Variants in SLC5A4 observed in about 807,000 individuals in gnomAD.
SLC5A4 encodes probable glucose sensor protein SLC5A4.
Under a neutral mutation model 70.3 loss-of-function variants are expected in SLC5A4, and 55 were observed. The observed-to-expected ratio is 0.78, with a 90% CI of 0.63 to 0.98. The LOEUF is 0.98. Among genes scored for constraint, SLC5A4 ranks in the 50% least tolerant of loss-of-function variants. SLC5A4 has a pLI of 0.00. For synonymous variants in SLC5A4, 268 were observed against 305.7 expected, an observed-to-expected ratio of 0.88 and a Z score of 1.29; for missense variants, 735 against 839.2, an observed-to-expected ratio of 0.88 and a Z score of 1.53.
chr22:32,319,845 G>A, the SLC5A4 span, among the ~76,000 whole-genome samples: 1 of 152,126 alleles, frequency 6.6e-6, no homozygotes, highest in Non-Finnish European at 1.5e-5. Context: ...CATAAAAGCA[G>A]GCTTTTTGCT....
the SLC5A4 span, chr22:32,272,816 A>G: frequency 1.9e-6 from 1 of 514,654 alleles, no homozygotes. Flanking sequence ...TTCGCCACCC[A>G]GGATGGTGGC....
the SLC5A4 span, among the ~76,000 whole-genome samples, chr22:32,346,987 T>C: frequency 3.9e-5 from 6 of 152,072 alleles, no homozygotes; most frequent in Non-Finnish European, 8.8e-5. Context: ...GAATCTATAA[T>C]GAACTCAACC....
In SLC5A4 at chr22:32,235,094, C is replaced by T. The variant is rs200849284; in HGVS notation, c.665-1G>A. 16 of 1,603,432 alleles carry T rather than the reference C, an allele frequency of 1.0e-5. No homozygotes were observed. In the East Asian group the frequency reaches 2.9e-4, roughly 29 times the overall value. The stretch of plus-strand genomic sequence containing the variant: ...TCATAACCTCCAACTTCGTTAAATG[C>T]TAAAAAGGCATCAGAGTAAAATGAG... On this transcript the variant is annotated splice_acceptor_variant, in intron 7 of 14. Coordinates refer to ENST00000266086, the MANE Select transcript of SLC5A4 (RefSeq NM_014227.3). LOFTEE classifies it high-confidence loss of function.
chr22:32,250,828 C>T (rs1339864394), intron 3 of SLC5A4, among the ~76,000 whole-genome samples: 3 of 151,964 alleles, frequency 2.0e-5, no homozygotes, highest in Non-Finnish European at 4.4e-5. Flanking sequence ...AGCTGGAAAG[C>T]CCTCATTCTC....
At chr22:32,331,197 GGTGT>G in the SLC5A4 span, among the ~76,000 whole-genome samples, 3 of 129,952 alleles carry the variant, frequency 2.3e-5, no homozygotes, top group Non-Finnish European at 5.0e-5. Context: ...TGGGGGCTCT[GGTGT>G]GTGTATTGGG....
chr22:32,305,065 T>C, the SLC5A4 span, among the ~76,000 whole-genome samples: 3 of 152,224 alleles, frequency 2.0e-5, no homozygotes, highest in African/African-American at 7.2e-5. Context: ...GGCTATATAT[T>C]CTGTTCATTG....
the SLC5A4 span, among the ~76,000 whole-genome samples, chr22:32,328,097 A>C: frequency 3.9e-4 from 42 of 108,728 alleles, no homozygotes; most frequent in South Asian, 1.0e-3. Context: ...CCAACACACA[A>C]ACACACACAC....
At chr22:32,291,861 TTA>T in the SLC5A4 span, among the ~76,000 whole-genome samples, 2 of 39,702 alleles carry the variant, frequency 5.0e-5, no homozygotes, top group Non-Finnish European at 1.1e-4. Context: ...TATATATAAT[TTA>T]TTTTTCTTTT....
the SLC5A4 span, among the ~76,000 whole-genome samples, chr22:32,300,074 C>T: frequency 1.1e-4 from 17 of 150,210 alleles, no homozygotes; most frequent in Non-Finnish European, 2.4e-4. Flanking sequence ...CAGACAGGGA[C>T]ATTTAAGTCT....
At chr22:32,317,357 AC>A in the SLC5A4 span, among the ~76,000 whole-genome samples, 1 of 152,190 alleles carries the variant, frequency 6.6e-6, no homozygotes, top group African/African-American at 2.4e-5. Flanking sequence ...AGAAAGACAA[AC>A]CTAAGAAAGA....
chr22:32,309,486 A>C, the SLC5A4 span, among the ~76,000 whole-genome samples: 1 of 152,126 alleles, frequency 6.6e-6, no homozygotes, highest in Non-Finnish European at 1.5e-5. Flanking sequence ...GTAACTCTAG[A>C]AATCTATGCT....
the SLC5A4 span, among the ~76,000 whole-genome samples, chr22:32,338,710 G>C: frequency 1.3e-5 from 2 of 152,176 alleles, no homozygotes; most frequent in East Asian, 3.9e-4. Flanking sequence ...CCCCATACTG[G>C]AGAGGGTGCC....
chr22:32,234,622 C>T (rs1408189831), intron 8 of SLC5A4, among the ~76,000 whole-genome samples: 1 of 152,164 alleles, frequency 6.6e-6, no homozygotes, highest in Non-Finnish European at 1.5e-5. Context: ...TCACCTGAAC[C>T]CGGGAGGTGG....
At chr22:32,280,801 C>G in the SLC5A4 span, among the ~76,000 whole-genome samples, 3 of 152,152 alleles carry the variant, frequency 2.0e-5, no homozygotes, top group Non-Finnish European at 2.9e-5. Flanking sequence ...GGTATTTAAG[C>G]AGTAGTTGGA....
chr22:32,275,681 T>C, the SLC5A4 span, among the ~76,000 whole-genome samples: 1 of 152,236 alleles, frequency 6.6e-6, no homozygotes, highest in African/African-American at 2.4e-5. Context: ...TAAACATACA[T>C]GTGCATGTGT....
chr22:32,260,508 C>CCAAAAA, the SLC5A4 span, among the ~76,000 whole-genome samples: 565 of 124,920 alleles, frequency 4.5e-3, 4 homozygotes, highest in African/African-American at 0.015. Flanking sequence ...ATTTTGGTGA[C>CCAAAAA]AAAAAAAAAA....
At chr22:32,269,842 A>C in the SLC5A4 span, 1 of 637,526 alleles carries the variant, frequency 1.6e-6, no homozygotes. This position sits in a 1 kb window ranked among gnomAD's most constrained non-coding sequence, Gnocchi z 4.1. Context: ...AGTCAGATCT[A>C]CATGCTGACC....
the SLC5A4 span, among the ~76,000 whole-genome samples, chr22:32,266,761 C>T: frequency 1.3e-5 from 2 of 152,140 alleles, no homozygotes; most frequent in African/African-American, 4.8e-5. Flanking sequence ...AGTCCGTTAA[C>T]GCATATTTTG....
At chr22:32,224,535 A>T in intron 12 of SLC5A4, 53 bp from the exon 13 acceptor site, 1 of 1,400,816 alleles carries the variant, frequency 7.1e-7, no homozygotes, top group Non-Finnish European at 1.0e-6. Flanking sequence ...TGAGAAGCTT[A>T]TTCAAGTAAG....
Sources: gnomAD v4.1 joint callset for allele counts (sites outside exome capture counted in the v4.1 genomes callset) on GRCh38, gnomAD v4.1.1 for gene constraint, Gnocchi (gnomAD v3.1) non-coding constraint, MANE v1.5 for transcripts, NCBI Gene and HGNC (gene_info 2026-07-23, HGNC 2026-07-21) for gene names.